The following DGKI variants were observed in gnomAD, a reference collection of about 807,000 sequenced individuals.
The protein encoded by DGKI is DAG kinase iota.
DGKI carries 55 observed loss-of-function variants against 147.5 expected under a neutral mutation model. The ratio of observed to expected loss-of-function variants is 0.37; its 90% CI spans 0.30 to 0.47. The LOEUF (loss-of-function observed/expected upper bound fraction) is 0.47, where lower values mean the gene tolerates loss of function less well. Among genes scored for constraint, DGKI ranks in the 20% least tolerant of loss-of-function variants. The pLI is 1.00. For synonymous variants in DGKI, 469 were observed against 477.1 expected (o/e 0.98, Z 0.22); for missense variants, 1,007 against 1,323.8 (o/e 0.76, Z 3.71).
chr7:137,664,841 T>A (rs1822578242), intron 3 of DGKI, among the ~76,000 whole-genome samples: 1 of 151,882 alleles, frequency 6.6e-6, no homozygotes, highest in South Asian at 2.1e-4. Context: ...AAATAAGTAC[T>A]AAAAAGAAAA....
chr7:137,654,038 A>G (rs1822129898), intron 5 of DGKI, among the ~76,000 whole-genome samples: 2 of 152,218 alleles, frequency 1.3e-5, no homozygotes, highest in Non-Finnish European at 2.9e-5. Context: ...TAAAATGTGA[A>G]CAAATAAGTG....
At chr7:137,746,405 G>A (rs553600950) in intron 1 of DGKI, among the ~76,000 whole-genome samples, 15 of 152,248 alleles carry the variant, frequency 9.9e-5, no homozygotes, top group African/African-American at 2.6e-4. Context: ...CATGATTTGC[G>A]CATGAATAAT....
chr7:137,669,670 A>C lies in DGKI; in HGVS notation c.606+8887T>G, dbSNP rs560132444. ...AATTATTCTCAGAGGTTCAAACTCT[A>C]AGAATAAAATAAGACACATGCATTT... On this transcript the variant is annotated intron_variant, in intron 3 of 32. Transcript: ENST00000614521. Among the ~76,000 whole-genome samples, 25 of 152,348 alleles carry C rather than the reference A, an allele frequency of 1.6e-4. No individual in the cohort carries two copies. In the South Asian group the frequency reaches 4.3e-3, roughly 26 times the overall value.
In DGKI at chr7:137,734,929, A is replaced by T. The variant is rs569788551; in HGVS notation, c.402-44927T>A. Among the ~76,000 whole-genome samples, 16 of 152,126 alleles carry T rather than the reference A, an allele frequency of 1.1e-4. No homozygotes were observed. In the South Asian group the frequency reaches 2.3e-3, roughly 22 times the overall value. ...AACTACTCCCTCTCCTTTACACATC[A>T]CCGCTGATCATGATGGCTTGTCAAT... On this transcript the variant is annotated intron_variant, in intron 1 of 32. Coordinates refer to ENST00000614521, the MANE Select transcript of DGKI (RefSeq NM_001321708.2).
chr7:137,673,743 C>A (rs1822933048), intron 3 of DGKI, among the ~76,000 whole-genome samples: 1 of 152,160 alleles, frequency 6.6e-6, no homozygotes, highest in South Asian at 2.1e-4. Context: ...ATTTGCATAT[C>A]AATGTAGGCA....
intron 28 of DGKI, among the ~76,000 whole-genome samples, chr7:137,428,814 A>G (rs1250463315): frequency 6.6e-6 from 1 of 152,166 alleles, no homozygotes; most frequent in Non-Finnish European, 1.5e-5. Flanking sequence ...TGCTTCAAAG[A>G]GAATAAAATA....
chr7:137,398,083 C>T (rs1159625879), intron 30 of DGKI, among the ~76,000 whole-genome samples: 5 of 152,186 alleles, frequency 3.3e-5, no homozygotes, highest in Non-Finnish European at 7.4e-5. Context: ...TTGCCCTCTT[C>T]AGCCTATGGG....
intron 12 of DGKI, among the ~76,000 whole-genome samples, chr7:137,588,572 G>C (rs796649355): frequency 4.0e-5 from 6 of 150,324 alleles, no homozygotes; most frequent in African/African-American, 1.5e-4. Flanking sequence ...CACCTCCTGG[G>C]TTCACGCCAT....
At chr7:137,646,410 C>T (rs1479380395) in intron 5 of DGKI, among the ~76,000 whole-genome samples, 2 of 152,188 alleles carry the variant, frequency 1.3e-5, no homozygotes, top group African/African-American at 2.4e-5. Context: ...TACAGATTAG[C>T]TTTCAAGGTC....
At position 137,835,594 on chromosome 7, in the gene DGKI, C is replaced by T. The variant is rs529405001; in HGVS notation, c.401+10868G>A. Among the ~76,000 whole-genome samples, 28 of 151,228 alleles carry T rather than the reference C, an allele frequency of 1.9e-4. No homozygotes were observed. In the South Asian group the frequency reaches 4.6e-3, roughly 25 times the overall value. Reference sequence around the variant, plus strand: ...TCTCTACCTGTTTTTTTTTCTTTTTCCCCAGTAAGAGGAGTGTTAAACATA... The same window carrying T: ...TCTCTACCTGTTTTTTTTTCTTTTTTCCCAGTAAGAGGAGTGTTAAACATA... On this transcript the variant is annotated intron_variant, in intron 1 of 32. Transcript: ENST00000614521.
At chr7:137,722,273 T>C in intron 1 of DGKI, 6 of 1,609,534 alleles carry the variant, frequency 3.7e-6, no homozygotes, top group Non-Finnish European at 3.4e-6. Flanking sequence ...ACAAAACCAG[T>C]TGGTGGTGAC....
intron 1 of DGKI, among the ~76,000 whole-genome samples, chr7:137,783,012 T>C (rs1796565902): frequency 6.6e-6 from 1 of 152,190 alleles, no homozygotes; most frequent in Non-Finnish European, 1.5e-5. Flanking sequence ...TCCTCTGACA[T>C]AGTCTACCCA....
intron 20 of DGKI, among the ~76,000 whole-genome samples, chr7:137,522,572 T>C (rs1361534533): frequency 6.6e-6 from 1 of 152,094 alleles, no homozygotes; most frequent in African/African-American, 2.4e-5. Flanking sequence ...TTTAAATATG[T>C]ACAGTGTCCT....
intron 23 of DGKI, among the ~76,000 whole-genome samples, chr7:137,482,265 AC>A (rs1815397838): frequency 6.6e-6 from 1 of 151,822 alleles, no homozygotes; most frequent in Admixed American, 6.6e-5. Context: ...CTTTCGTGAT[AC>A]CACCTTCTCC....
At chr7:137,432,207 C>T (rs57992794) in intron 28 of DGKI, among the ~76,000 whole-genome samples, 1 of 152,106 alleles carries the variant, frequency 6.6e-6, no homozygotes, top group African/African-American at 2.4e-5. Flanking sequence ...AATGAAACCT[C>T]TTTTCTTTAC....
intron 1 of DGKI, among the ~76,000 whole-genome samples, chr7:137,759,783 C>T (rs780592858): frequency 6.6e-6 from 1 of 152,130 alleles, no homozygotes; most frequent in East Asian, 1.9e-4. Flanking sequence ...TGAACTCATT[C>T]TCCCTTTCTT....
intron 1 of DGKI, among the ~76,000 whole-genome samples, chr7:137,810,202 C>T: frequency 6.6e-6 from 1 of 152,176 alleles, no homozygotes; most frequent in East Asian, 1.9e-4. Context: ...GAGTAATTGA[C>T]AACAATAAGT....
intron 6 of DGKI, among the ~76,000 whole-genome samples, chr7:137,630,254 A>C (rs1821082940): frequency 6.6e-6 from 1 of 152,156 alleles, no homozygotes; most frequent in Non-Finnish European, 1.5e-5. Context: ...TTCCAGAGGA[A>C]TCAAGGATTT....
chr7:137,815,780 G>A (rs559245530), intron 1 of DGKI, among the ~76,000 whole-genome samples: 147 of 152,280 alleles, frequency 9.7e-4, no homozygotes, highest in African/African-American at 3.5e-3. Flanking sequence ...GAAAAGATTA[G>A]TTCTACAAGG....
Sources: allele counts gnomAD v4.1 joint callset (sites outside exome capture counted in the v4.1 genomes callset), GRCh38; gene constraint gnomAD v4.1.1; transcripts MANE v1.5; gene names NCBI Gene and HGNC (gene_info 2026-07-23, HGNC 2026-07-21).